Variants in SLA2 observed in about 807,000 individuals in gnomAD.
The protein encoded by SLA2 is Src like adaptor 2, also known as src-like-adapter 2.
A neutral mutation model predicts 27.3 loss-of-function variants in SLA2; 22 were observed. The ratio of observed to expected loss-of-function variants is 0.81; its 90% CI spans 0.58 to 1.15. SLA2 has a LOEUF of 1.15. Among genes scored for constraint, SLA2 ranks in the 50% most tolerant of loss-of-function variants. The probability of loss-of-function intolerance (pLI) is 0.00; values close to 1 mark genes in which losing one functional copy is unlikely to be tolerated. For missense variants in SLA2, 304 were observed against 322.2 expected, an observed-to-expected ratio of 0.94 and a Z score of 0.43; for synonymous variants, 131 against 137.8, an observed-to-expected ratio of 0.95 and a Z score of 0.34.
chr20:36,613,664 T>C lies in SLA2; in HGVS notation c.*202A>G. On this transcript the variant is annotated 3_prime_UTR_variant, in exon 8 of 8. Transcript: ENST00000262866. ...CTGCACTCGCACTAGAGGTCGCAGG[T>C]GGGATCATGGCACTGGAAGGAAGTA... 1 of 559,736 alleles carries C rather than the reference T, an allele frequency of 1.8e-6. No homozygotes were observed. Among genetic ancestry groups the C allele is most frequent in the East Asian group, 3.2e-5 (1 of 31,134 alleles). The allele number at this position is 559,736 out of a possible 1,614,324, so 34.7% of individuals were successfully genotyped here. A position where few individuals can be genotyped will look rare whatever the true frequency, so the allele number is the denominator to read the frequency against.
Position 36,634,540 on chromosome 20 carries a change from G to A in SLA2, c.141C>T (p.Gly47=). The part of the protein sequence containing the change: ...AVALGSFPAG[G]PAELSLRLGE... ...CGAGTCTCAGCGACAGCTCGGCCGGGCCACCTGCCGGGAAACTGCCCAGGG... is the reference window on the plus strand; with the variant it reads ...CGAGTCTCAGCGACAGCTCGGCCGGACCACCTGCCGGGAAACTGCCCAGGG... Residue 47 remains glycine, a synonymous_variant, in exon 3 of 8, where the codon GGC becomes GGT. Coordinates refer to ENST00000262866, the MANE Select transcript of SLA2 (RefSeq NM_032214.4). 1 of 1,611,548 alleles carries A rather than the reference G, an allele frequency of 6.2e-7. No homozygotes were observed. Among genetic ancestry groups the A allele is most frequent in the South Asian group, 1.1e-5 (1 of 90,588 alleles).
intron 5 of SLA2, among the ~76,000 whole-genome samples, chr20:36,627,643 G>A (rs768849285): frequency 3.9e-5 from 6 of 152,242 alleles, no homozygotes; most frequent in Non-Finnish European, 8.8e-5. Flanking sequence ...AGGGGCTGCT[G>A]CTGGGGCCTG....
At chr20:36,642,637 G>A (rs959032145) in intron 1 of SLA2, among the ~76,000 whole-genome samples, 2 of 151,776 alleles carry the variant, frequency 1.3e-5, no homozygotes, top group African/African-American at 4.8e-5. Flanking sequence ...CCAGGCTGGA[G>A]TGCAATAGCA....
At chr20:36,634,785 CAGAGAG>C (rs113633781) in intron 2 of SLA2, among the ~76,000 whole-genome samples, 196 bp from the exon 3 acceptor site, 16 of 147,158 alleles carry the variant, frequency 1.1e-4, no homozygotes, top group Admixed American at 2.7e-4. Context: ...TGACAGTGCC[CAGAGAG>C]AGAGAGAGAG....
At chr20:36,622,467 A>G (rs556225646) in intron 5 of SLA2, among the ~76,000 whole-genome samples, 10 of 151,694 alleles carry the variant, frequency 6.6e-5, no homozygotes, top group Non-Finnish European at 1.2e-4. Flanking sequence ...GCAGAAAACG[A>G]TGAATAGAAT....
intron 6 of SLA2, chr20:36,615,018 A>T: frequency 1.0e-6 from 1 of 985,406 alleles, no homozygotes; most frequent in Non-Finnish European, 1.2e-6. Context: ...CCTACACAGG[A>T]GGTCTGTGGC....
chr20:36,644,110 C>A lies in SLA2; in HGVS notation c.-44+1727G>T, dbSNP rs1978285821. 3.3e-5 allele frequency among the ~76,000 whole-genome samples: 5 copies of A among 152,084 alleles called. No homozygotes were observed. The South Asian group carries it at 1.0e-3, about 32-fold the overall frequency. Reference sequence around the variant, plus strand: ...TGCTCAGCCTTTTAGGATCCTGCAGCCTGGGTACACTGAAATGGTGCTGCT... The same window carrying A: ...TGCTCAGCCTTTTAGGATCCTGCAGACTGGGTACACTGAAATGGTGCTGCT... On this transcript the variant is annotated intron_variant, in intron 1 of 7. Coordinates refer to ENST00000262866, the MANE Select transcript of SLA2 (RefSeq NM_032214.4).
chr20:36,633,429 T>C, intron 4 of SLA2, 114 bp downstream of exon 4: 2 of 861,700 alleles, frequency 2.3e-6, no homozygotes, highest in South Asian at 3.1e-5. Context: ...AGGACCTGGG[T>C]TCGATTCTCC....
chr20:36,638,255 G>C (rs2039472777), intron 2 of SLA2, among the ~76,000 whole-genome samples: 1 of 152,058 alleles, frequency 6.6e-6, no homozygotes, highest in African/African-American at 2.4e-5. Flanking sequence ...ATTATCACAT[G>C]GTTGAGGAGA....
At chr20:36,616,316 T>C (rs568635933) in intron 5 of SLA2, among the ~76,000 whole-genome samples, 3 of 151,936 alleles carry the variant, frequency 2.0e-5, no homozygotes, top group Non-Finnish European at 2.9e-5. Flanking sequence ...TCATTTTTTT[T>C]TTTTATTTTA....
intron 5 of SLA2, among the ~76,000 whole-genome samples, chr20:36,622,091 A>G (rs2039289043): frequency 6.6e-6 from 1 of 151,866 alleles, no homozygotes; most frequent in Non-Finnish European, 1.5e-5. Context: ...AAGCCGAGGC[A>G]GGTGGATCAC....
At chr20:36,614,638 T>G (rs554158107) in intron 6 of SLA2, 1 of 985,322 alleles carries the variant, frequency 1.0e-6, no homozygotes, top group Non-Finnish European at 1.2e-6. Flanking sequence ...AGACAGTCAC[T>G]GTATGATTTA....
Position 36,614,479 on chromosome 20 carries a change from C to T in SLA2, c.533-42G>A, listed in dbSNP as rs1452162216. The T allele has an allele frequency of 4.5e-6, 7 of 1,557,684 alleles. No individual in the cohort carries two copies. The South Asian group carries it at 8.6e-5, about 19-fold the overall frequency. ...CATCCCTGACATGACTGACTCCACC[C>T]TACTTCTCCCCAACAGCCCTCACCC... On this transcript the variant is annotated intron_variant, in intron 6 of 7. Transcript: ENST00000262866.
At chr20:36,626,179 G>A (rs1346043330) in intron 5 of SLA2, among the ~76,000 whole-genome samples, 1 of 152,072 alleles carries the variant, frequency 6.6e-6, no homozygotes, top group African/African-American at 2.4e-5. Flanking sequence ...AGATCACAAG[G>A]TCAAGAGATC....
chr20:36,619,784 C>T (rs1355182162), intron 5 of SLA2, among the ~76,000 whole-genome samples: 2 of 91,456 alleles, frequency 2.2e-5, no homozygotes, highest in Non-Finnish European at 4.5e-5. Context: ...GTGCCTGTCA[C>T]CACACGTGGC....
chr20:36,627,801 T>C (rs2039354734), intron 5 of SLA2, among the ~76,000 whole-genome samples: 1 of 152,164 alleles, frequency 6.6e-6, no homozygotes, highest in African/African-American at 2.4e-5. Flanking sequence ...CAGAAGGACT[T>C]GGGAAGATGG....
At chr20:36,630,699 A>G (rs998634607) in intron 5 of SLA2, among the ~76,000 whole-genome samples, 1 of 152,238 alleles carries the variant, frequency 6.6e-6, no homozygotes, top group Non-Finnish European at 1.5e-5. Flanking sequence ...AGGGCTTAAC[A>G]TAAACGTGGG....
rs36100264 is a variant in SLA2 at position 36,637,624 on chromosome 20, C to CTTTTTTT, written c.92-3042_92-3036dup. ...ATAGGCTCATATTCTGTGAAGTTTG[C>CTTTTTTT]TTTTTTTTTTTTTTTTTTTTTTGAG... On this transcript the variant is annotated intron_variant, in intron 2 of 7. Coordinates refer to ENST00000262866, the MANE Select transcript of SLA2 (RefSeq NM_032214.4). Among the ~76,000 whole-genome samples, 23 of 80,962 alleles carry CTTTTTTT rather than the reference C, an allele frequency of 2.8e-4. 1 individual carries two copies. The highest frequency in any genetic ancestry group is 5.6e-4 in the Admixed American group (3 of 5,352). 53.1% of individuals were successfully genotyped at this position (80,962 alleles called of 152,430 possible). A position where few individuals can be genotyped will look rare whatever the true frequency, so the allele number is the denominator to read the frequency against.
chr20:36,639,722 G>T (rs1001244701), intron 2 of SLA2, among the ~76,000 whole-genome samples: 2 of 151,496 alleles, frequency 1.3e-5, no homozygotes, highest in African/African-American at 4.9e-5. Context: ...TTAGCCAGGC[G>T]TGGTGGCGGG....
Sources: allele counts gnomAD v4.1 joint callset (sites outside exome capture counted in the v4.1 genomes callset), GRCh38; gene constraint gnomAD v4.1.1; transcripts MANE v1.5; gene names NCBI Gene and HGNC (gene_info 2026-07-23, HGNC 2026-07-21).